NCAPH: variants seen among roughly 807,000 people sequenced by gnomAD.
NCAPH encodes the protein non-SMC condensin I complex subunit H.
Under a neutral mutation model 85.5 loss-of-function variants are expected in NCAPH, and 38 were observed. That is an observed-to-expected ratio of 0.44 (90% CI 0.34 to 0.58). The LOEUF (loss-of-function observed/expected upper bound fraction) is 0.58, where lower values mean the gene tolerates loss of function less well. Among genes scored for constraint, NCAPH ranks in the 20% least tolerant of loss-of-function variants. NCAPH has a pLI of 0.01. For synonymous variants in NCAPH, 301 were observed against 335.1 expected (o/e 0.90, Z 1.11); for missense variants, 789 against 916.6 (o/e 0.86, Z 1.80).
chr2:96,346,021 G>A (rs964153189), intron 6 of NCAPH, among the ~76,000 whole-genome samples: 1 of 152,184 alleles, frequency 6.6e-6, no homozygotes, highest in African/African-American at 2.4e-5. Flanking sequence ...AGAAATGACA[G>A]CATATTTTGT....
In NCAPH at chr2:96,360,639, A is replaced by G. The variant is rs771366172; in HGVS notation, c.1516A>G (p.Thr506Ala). 2 of 1,613,984 alleles carry G rather than the reference A, an allele frequency of 1.2e-6. No individual in the cohort carries two copies. The highest frequency in any genetic ancestry group is 1.1e-5 in the South Asian group (1 of 91,088). The change falls in exon 12 of 18, where the codon ACC becomes GCC. Residue 506 changes from threonine (T) to alanine (A), a missense_variant. By Grantham distance (58) the Thr-to-Ala change is moderately conservative (BLOSUM62 0). Coordinates refer to ENST00000240423, the MANE Select transcript of NCAPH (RefSeq NM_015341.5). ...TTTGGAGAACCAGAATTGGAGAGCT[A>G]CCACCCTTCCTACAGATTTCAACTA... ...STLENQNWRA[T>A]TLPTDFNYNV...
At chr2:96,372,547 T>C (rs2064787920) in intron 17 of NCAPH, among the ~76,000 whole-genome samples, 1 of 152,162 alleles carries the variant, frequency 6.6e-6, no homozygotes, top group Non-Finnish European at 1.5e-5. Context: ...GTTGCAACTC[T>C]TCTGAGTAGT....
chr2:96,355,573 G>A lies in NCAPH; in HGVS notation c.1208+1185G>A, dbSNP rs140836100. On this transcript the variant is annotated intron_variant, in intron 9 of 17. Transcript: ENST00000240423. ...CAGGCTCAGTAGCACCCTGCTCTCC[G>A]GAATTGTACTGTTCACATGGCTGCA... 5.9e-5 allele frequency among the ~76,000 whole-genome samples: 9 copies of A among 152,014 alleles called. No individual in the cohort carries two copies. In the East Asian group the frequency reaches 1.2e-3, roughly 20 times the overall value.
intron 6 of NCAPH, among the ~76,000 whole-genome samples, chr2:96,347,221 G>A (rs995607041): frequency 1.2e-4 from 18 of 151,998 alleles, no homozygotes; most frequent in African/African-American, 3.9e-4. Flanking sequence ...AGGCCCGCAG[G>A]GGAAGCCTAT....
rs773679002 is a variant in NCAPH at position 96,360,225 on chromosome 2, T to C, written c.1440T>C (p.Phe480=). The change falls in exon 11 of 18, where the codon TTT becomes TTC. Residue 480 remains phenylalanine, a synonymous_variant. Transcript: ENST00000240423. ...TTGACTTTGAAGATGATATTGACTT[T>C]GATGTATATTTTAGAAAAACAAAGG... ...FEIDFEDDID[F]DVYFRKTKAA... is the part of the protein sequence containing the mutation. 1.6e-5 allele frequency: 25 copies of C among 1,528,774 alleles called. No individual in the cohort carries two copies. The highest frequency in any genetic ancestry group is 2.3e-5 in the Non-Finnish European group (25 of 1,106,570). 94.7% of individuals were successfully genotyped at this position (1,528,774 alleles called of 1,614,324 possible).
intron 8 of NCAPH, 131 bp downstream of exon 8, chr2:96,353,528 T>C: frequency 1.3e-6 from 1 of 797,616 alleles, no homozygotes; most frequent in South Asian, 1.7e-5. Flanking sequence ...TTGGCACTTC[T>C]GTAGGGACAA....
Position 96,351,856 on chromosome 2 carries a change from C to T in NCAPH, c.746C>T (p.Ala249Val). 1 of 1,605,932 alleles carries T rather than the reference C, an allele frequency of 6.2e-7. No homozygotes were observed. Among genetic ancestry groups the T allele is most frequent in the Non-Finnish European group, 8.5e-7 (1 of 1,177,296 alleles). ...ATTGATCCCATGTTTCAGAAGACAG[C>T]AGCCTCATTTGATGAGTGCAGCACA... is the stretch of plus-strand genomic sequence containing the variant. ...CEIDPMFQKT[A>V]ASFDECSTAG... is the part of the protein sequence containing the mutation. The change falls in exon 7 of 18, where the codon GCA becomes GTA. Residue 249 changes from alanine to valine, a missense_variant. By Grantham distance (64) the Ala-to-Val change is moderately conservative. Coordinates refer to ENST00000240423, the MANE Select transcript of NCAPH (RefSeq NM_015341.5).
intron 14 of NCAPH, among the ~76,000 whole-genome samples, chr2:96,366,605 G>T (rs1331214028): frequency 6.6e-6 from 1 of 152,080 alleles, no homozygotes; most frequent in Admixed American, 6.5e-5. Context: ...TGGGCTGGGC[G>T]TGGTGGCTCA....
chr2:96,364,309 T>C (rs1236460686), intron 12 of NCAPH, among the ~76,000 whole-genome samples, 172 bp from the exon 13 acceptor site: 1 of 152,246 alleles, frequency 6.6e-6, no homozygotes, highest in Non-Finnish European at 1.5e-5. Context: ...ACTCCAGGTT[T>C]GCACTGTATA....
Position 96,365,971 on chromosome 2 carries a change from A to G in NCAPH, c.1794A>G (p.Thr598=). The change falls in exon 14 of 18, where the codon ACA becomes ACG. Residue 598 remains threonine (T), a synonymous_variant. Coordinates refer to ENST00000240423, the MANE Select transcript of NCAPH (RefSeq NM_015341.5). ...LSPYPCHPPK[T]AQQNGDTPEA... Reference sequence around the variant, plus strand: ...CTTATCCTTGCCATCCACCTAAGACAGCACAACAGAATGGTGACACTCCAG... The same window carrying G: ...CTTATCCTTGCCATCCACCTAAGACGGCACAACAGAATGGTGACACTCCAG... 6.2e-7 allele frequency: 1 copy of G among 1,614,238 alleles called. No homozygotes were observed. Among genetic ancestry groups the G allele is most frequent in the Non-Finnish European group, 8.5e-7 (1 of 1,180,038 alleles).
intron 16 of NCAPH, 79 bp from the exon 17 acceptor site, chr2:96,369,346 G>A: frequency 8.5e-7 from 1 of 1,178,364 alleles, no homozygotes; most frequent in East Asian, 2.3e-5. Context: ...CATTGCATGT[G>A]TGTATTATTC....
At position 96,351,752 on chromosome 2, in the gene NCAPH, T is replaced by C. The variant is rs546424939; in HGVS notation, c.721-79T>C. 4 of 1,270,948 alleles carry C rather than the reference T, an allele frequency of 3.1e-6. No individual in the cohort carries two copies. The South Asian group carries it at 4.5e-5, about 14-fold the overall frequency. The allele number at this position is 1,270,948 out of a possible 1,614,324, so 78.7% of individuals were successfully genotyped here. A position where few individuals can be genotyped will look rare whatever the true frequency, so the allele number is the denominator to read the frequency against. On this transcript the variant is annotated intron_variant, in intron 6 of 17. Coordinates refer to ENST00000240423, the MANE Select transcript of NCAPH (RefSeq NM_015341.5). ...TCCAGTGTATATACCTGCTAATGAG[T>C]GGGGCCAAATGCATGAGAATTTATC... is the stretch of plus-strand genomic sequence containing the variant.
In NCAPH at chr2:96,369,064, G is replaced by T; in HGVS notation, c.2090+1G>T. The T allele has an allele frequency of 6.4e-7, 1 of 1,554,044 alleles. No homozygotes were observed. The highest frequency in any genetic ancestry group is 8.7e-7 in the Non-Finnish European group (1 of 1,148,194). The stretch of plus-strand genomic sequence containing the variant: ...GGCTCACGAAGGACCTGCAGAGGAG[G>T]TGCGGGCTGGCAGGCATGGGGGCTT... On this transcript the variant is annotated splice_donor_variant, in intron 16 of 17. Coordinates refer to ENST00000240423, the MANE Select transcript of NCAPH (RefSeq NM_015341.5). LOFTEE classifies it high-confidence loss of function.
rs2064818612 is a variant in NCAPH at position 96,375,125 on chromosome 2, T to C, written c.*1774T>C. Among the ~76,000 whole-genome samples the C allele has an allele frequency of 6.6e-6, 1 of 152,130 alleles. No individual in the cohort carries two copies. The highest frequency in any genetic ancestry group is 6.6e-5 in the Admixed American group (1 of 15,266). ...CAGAAGGCTGAGGTGGGATAATCAC[T>C]TGAGCCCAGGAGTTTGAGGCTGCAG... On this transcript the variant is annotated 3_prime_UTR_variant, in exon 18 of 18. Coordinates refer to ENST00000240423, the MANE Select transcript of NCAPH (RefSeq NM_015341.5).
At position 96,373,467 on chromosome 2, in the gene NCAPH, C is replaced by T; in HGVS notation, c.*116C>T. 1 of 933,070 alleles carries T rather than the reference C, an allele frequency of 1.1e-6. No individual in the cohort carries two copies. Among genetic ancestry groups the T allele is most frequent in the South Asian group, 1.5e-5 (1 of 68,210 alleles). 57.8% of individuals were successfully genotyped at this position (933,070 alleles called of 1,614,324 possible). ...TTATACCCAGGCTGTAGCCAACTAC[C>T]AACGTGCCTGTTTGTTTGTTGCTCT... On this transcript the variant is annotated 3_prime_UTR_variant, in exon 18 of 18. Transcript: ENST00000240423.
rs771769315 is a variant in NCAPH, at chr2:96,367,337, G to T, written c.1962G>T (p.Leu654=). 6.8e-6 allele frequency: 11 copies of T among 1,613,424 alleles called. No individual in the cohort carries two copies. Among genetic ancestry groups the T allele is most frequent in the Non-Finnish European group, 9.3e-6 (11 of 1,179,576 alleles). ...AACTGAAGCAGAGCATGTGGAGTCT[G>T]CTGACAGCGCTCTCCGGAAAGGAGG... ...MKKLKQSMWS[L]LTALSGKEAD... is the part of the protein sequence containing the mutation. The change falls in exon 15 of 18, where the codon CTG becomes CTT. Residue 654 remains leucine (L), a synonymous_variant. Coordinates refer to ENST00000240423, the MANE Select transcript of NCAPH (RefSeq NM_015341.5).
intron 5 of NCAPH, 82 bp from the exon 6 acceptor site, chr2:96,344,023 G>A (rs2064330804): frequency 2.0e-6 from 3 of 1,521,724 alleles, no homozygotes; most frequent in Non-Finnish European, 2.6e-6. Flanking sequence ...AATTACGACA[G>A]GTTTTGAAGA....
chr2:96,337,970 A>G (rs1176179634), intron 1 of NCAPH, among the ~76,000 whole-genome samples: 2 of 150,868 alleles, frequency 1.3e-5, no homozygotes, highest in Non-Finnish European at 3.0e-5. Flanking sequence ...TCTGTCCCCC[A>G]GGCTGGAGTG....
chr2:96,347,296 T>C (rs2064375374), intron 6 of NCAPH, among the ~76,000 whole-genome samples: 1 of 147,494 alleles, frequency 6.8e-6, no homozygotes, highest in Admixed American at 6.8e-5. Context: ...TTTTTTTTTA[T>C]CACTTTTGCC....
Sources: gnomAD v4.1 joint callset for allele counts (sites outside exome capture counted in the v4.1 genomes callset) on GRCh38, gnomAD v4.1.1 for gene constraint, MANE v1.5 for transcripts, NCBI Gene and HGNC (gene_info 2026-07-23, HGNC 2026-07-21) for gene names.